KLF3: variants seen among roughly 807,000 people sequenced by gnomAD.
KLF3 encodes the protein Krueppel-like factor 3.
In KLF3, 6 loss-of-function variants were observed where a neutral mutation model predicts 32.7. That is an observed-to-expected ratio of 0.18 (90% CI 0.10 to 0.36). The LOEUF (loss-of-function observed/expected upper bound fraction) is 0.36. Among genes scored for constraint, KLF3 ranks in the 10% least tolerant of loss-of-function variants. The pLI is 1.00. For synonymous variants in KLF3, 145 were observed against 172.8 expected, an observed-to-expected ratio of 0.84 and a Z score of 1.26; for missense variants, 338 against 449.7, an observed-to-expected ratio of 0.75 and a Z score of 2.25.
chr4:38,680,561 G>C (rs2109245206), intron 1 of KLF3, 26 bp from the exon 2 acceptor site: 36 of 1,199,994 alleles, frequency 3.0e-5, no homozygotes, highest in Non-Finnish European at 4.5e-5. Flanking sequence ...TTGAGACTTA[G>C]ATGGATACCT....
rs1472750186 is a variant in KLF3 at position 38,701,014 on chromosome 4, CTTG to C, written c.*3754_*3756del. 1 of 152,116 alleles carries C rather than the reference CTTG, an allele frequency of 6.6e-6. No individual in the cohort carries two copies. Among genetic ancestry groups the C allele is most frequent in the Non-Finnish European group, 1.5e-5 (1 of 68,024 alleles). 9.4% of individuals were successfully genotyped at this position (152,116 alleles called of 1,614,324 possible). A position where few individuals can be genotyped will look rare whatever the true frequency, so the allele number is the denominator to read the frequency against. On this transcript the variant is annotated 3_prime_UTR_variant, in exon 6 of 6. Transcript: ENST00000261438. ...TACAGTATGCAATATATATTATATA[CTTG>C]TTAATAAAACCATCAGAATATTAAA...
chr4:38,695,615 T>C (rs1723026197), intron 5 of KLF3, among the ~76,000 whole-genome samples: 1 of 152,132 alleles, frequency 6.6e-6, no homozygotes, highest in Non-Finnish European at 1.5e-5. Flanking sequence ...CGTGCACCTG[T>C]GGTCCCAGCT....
intron 1 of KLF3, among the ~76,000 whole-genome samples, chr4:38,670,870 T>TC (rs1459856377): frequency 3.9e-5 from 6 of 152,256 alleles, no homozygotes; most frequent in African/African-American, 1.2e-4. Context: ...AAGTATTTAT[T>TC]GAGTACCTAC....
chr4:38,680,084 A>T (rs890377347), intron 1 of KLF3, among the ~76,000 whole-genome samples: 1 of 152,130 alleles, frequency 6.6e-6, no homozygotes, highest in Non-Finnish European at 1.5e-5. Flanking sequence ...ATGACCATGG[A>T]GTCTGGTTTT....
intron 4 of KLF3, among the ~76,000 whole-genome samples, chr4:38,692,040 T>G (rs977974073): frequency 1.3e-5 from 2 of 152,232 alleles, no homozygotes; most frequent in Non-Finnish European, 2.9e-5. Flanking sequence ...GTACATCAAA[T>G]TCTATTTGTT....
chr4:38,682,467 T>C (rs557616911), intron 2 of KLF3, among the ~76,000 whole-genome samples: 27 of 152,330 alleles, frequency 1.8e-4, no homozygotes, highest in Non-Finnish European at 3.4e-4. Context: ...AGGTATAAAA[T>C]TTCCCCATTA....
Position 38,697,531 on chromosome 4 carries a change from C to G in KLF3, c.*268C>G. On this transcript the variant is annotated 3_prime_UTR_variant, in exon 6 of 6. Transcript: ENST00000261438. ...GCTAAGCAAACCCTTCTTACAGATA[C>G]GTTTAATGTAATAAGAACAAGGGAA... 1 of 349,964 alleles carries G rather than the reference C, an allele frequency of 2.9e-6. No homozygotes were observed. Among genetic ancestry groups the G allele is most frequent in the South Asian group, 9.6e-5 (1 of 10,408 alleles). 21.7% of individuals were successfully genotyped at this position (349,964 alleles called of 1,614,324 possible).
At chr4:38,672,651 G>T (rs544220277) in intron 1 of KLF3, among the ~76,000 whole-genome samples, 2 of 152,116 alleles carry the variant, frequency 1.3e-5, no homozygotes, top group Non-Finnish European at 2.9e-5. Context: ...TGGGTAACGG[G>T]GTGCCAAGCA....
chr4:38,681,624 G>C (rs1248114623), intron 2 of KLF3, among the ~76,000 whole-genome samples: 1 of 152,250 alleles, frequency 6.6e-6, no homozygotes, highest in Non-Finnish European at 1.5e-5. Flanking sequence ...AGAGGAAGGT[G>C]TCTGACTTCA....
At chr4:38,672,945 T>TG (rs1346985907) in intron 1 of KLF3, among the ~76,000 whole-genome samples, 1 of 149,070 alleles carries the variant, frequency 6.7e-6, no homozygotes, top group African/African-American at 2.5e-5. Flanking sequence ...ATAAGGCCAA[T>TG]GGGAGGCGGG....
At chr4:38,689,661 C>T (rs889480180) in intron 3 of KLF3, 68 bp from the exon 4 acceptor site, 35 of 1,117,406 alleles carry the variant, frequency 3.1e-5, no homozygotes, top group Non-Finnish European at 4.1e-5. Context: ...AGGAGCTATG[C>T]AGTAAGCTTT....
intron 1 of KLF3, among the ~76,000 whole-genome samples, chr4:38,677,022 G>A (rs867111068): frequency 4.1e-5 from 6 of 145,966 alleles, no homozygotes; most frequent in Admixed American, 7.1e-5. Flanking sequence ...GTGCAGTGGT[G>A]CTATTTGGGC....
chr4:38,692,147 G>A (rs1654211733), intron 4 of KLF3, among the ~76,000 whole-genome samples: 1 of 152,140 alleles, frequency 6.6e-6, no homozygotes, highest in Non-Finnish European at 1.5e-5. Flanking sequence ...TTGTGTATGC[G>A]AATTATAGCA....
At chr4:38,690,165 A>G (rs1005846202) in intron 4 of KLF3, 2 of 373,996 alleles carry the variant, frequency 5.3e-6, no homozygotes, top group East Asian at 5.1e-5. Flanking sequence ...TTTTTTTTCC[A>G]TTCTTCCAGG....
At chr4:38,687,772 A>G (rs1579128077) in intron 2 of KLF3, among the ~76,000 whole-genome samples, 2 of 152,160 alleles carry the variant, frequency 1.3e-5, no homozygotes, top group African/African-American at 4.8e-5. Context: ...CTTCATTCAG[A>G]TTCTGAATAA....
At chr4:38,667,487 T>C (rs1722080697) in intron 1 of KLF3, among the ~76,000 whole-genome samples, 1 of 152,218 alleles carries the variant, frequency 6.6e-6, no homozygotes, top group Non-Finnish European at 1.5e-5. Context: ...GTTAACCTTT[T>C]TACGTACACC....
chr4:38,690,246 A>C (rs1030189734), intron 4 of KLF3: 1 of 205,756 alleles, frequency 4.9e-6, no homozygotes, highest in African/African-American at 2.3e-5. Context: ...TGGATCATGT[A>C]AAGTTTTCAT....
At chr4:38,670,679 T>C (rs1020911274) in intron 1 of KLF3, among the ~76,000 whole-genome samples, 4 of 152,202 alleles carry the variant, frequency 2.6e-5, no homozygotes, top group African/African-American at 9.6e-5. Flanking sequence ...TCTCCCAGGC[T>C]CCCAAAGTTT....
chr4:38,669,893 C>CAAAAAAAAAAAAAAAA (rs60339860), intron 1 of KLF3, among the ~76,000 whole-genome samples: 6 of 41,178 alleles, frequency 1.5e-4, no homozygotes, highest in African/African-American at 1.8e-4. Flanking sequence ...GACTCTGTCT[C>CAAAAAAAAAAAAAAAA]AAAAAAAAAA....
Sources: allele counts gnomAD v4.1 joint callset (sites outside exome capture counted in the v4.1 genomes callset), GRCh38; gene constraint gnomAD v4.1.1; transcripts MANE v1.5; gene names NCBI Gene and HGNC (gene_info 2026-07-23, HGNC 2026-07-21).